The following RFTN1 variants were observed in gnomAD, a reference collection of about 807,000 sequenced individuals.
The protein encoded by RFTN1 is raftlin, lipid raft linker 1.
RFTN1 carries 26 observed loss-of-function variants against 46.5 expected under a neutral mutation model. The observed-to-expected ratio is 0.56, with a 90% CI of 0.41 to 0.78. The LOEUF (loss-of-function observed/expected upper bound fraction) is 0.78. Ranked by LOEUF, RFTN1 falls within the 30% of genes least tolerant of loss-of-function variation. The pLI is 0.00. For synonymous variants in RFTN1, 261 were observed against 284.2 expected (o/e 0.92, Z 0.82); for missense variants, 693 against 718.7 (o/e 0.96, Z 0.41).
intron 6 of RFTN1, among the ~76,000 whole-genome samples, chr3:16,362,928 G>T (rs962757267): frequency 3.3e-5 from 5 of 152,154 alleles, no homozygotes; most frequent in Admixed American, 3.3e-4. Context: ...TGGGAAGGGG[G>T]CTGTGTAGTC....
rs1049985454 is a variant in RFTN1, at chr3:16,382,345, T to G, written c.442-4243A>C. Among the ~76,000 whole-genome samples, 1 of 152,218 alleles carries G rather than the reference T, an allele frequency of 6.6e-6. No homozygotes were observed. The highest frequency in any genetic ancestry group is 2.4e-5 in the African/African-American group (1 of 41,444). Reference sequence around the variant, plus strand: ...TTCTGTCTTACCCTAGTATAGACACTTTCCTCTTTTTCAGAAAGTCATTTG... The same window carrying G: ...TTCTGTCTTACCCTAGTATAGACACGTTCCTCTTTTTCAGAAAGTCATTTG... On this transcript the variant is annotated intron_variant, in intron 4 of 9. Transcript: ENST00000334133. The surrounding 1 kb of genome is among the most constrained non-coding windows in gnomAD (Gnocchi z 4.7).
chr3:16,359,529 C>T (rs2072693586), intron 6 of RFTN1, among the ~76,000 whole-genome samples: 1 of 152,120 alleles, frequency 6.6e-6, no homozygotes, highest in African/African-American at 2.4e-5. Flanking sequence ...CCCTCTCTCT[C>T]CCTTTCCTGG....
At chr3:16,394,956 A>G (rs71310341) in intron 4 of RFTN1, among the ~76,000 whole-genome samples, 25,223 of 152,190 alleles carry the variant, frequency 0.17, 2,368 homozygotes, top group East Asian at 0.3. Context: ...TGTGTTAGAT[A>G]GCCCTGAAAA....
chr3:16,356,022 T>A lies in RFTN1; in HGVS notation c.1146+1910A>T, dbSNP rs994994447. ...CATCGCTACTGTTACAGCCAAATGTTACGGAGCAAACTGAATGCCGGCTGC... is the reference window on the plus strand; with the variant it reads ...CATCGCTACTGTTACAGCCAAATGTAACGGAGCAAACTGAATGCCGGCTGC... On this transcript the variant is annotated intron_variant, in intron 7 of 9. Coordinates refer to ENST00000334133, the MANE Select transcript of RFTN1 (RefSeq NM_015150.2). The surrounding 1 kb of genome is among the most constrained non-coding windows in gnomAD (Gnocchi z 4.9). Among the ~76,000 whole-genome samples, 2 of 152,206 alleles carry A rather than the reference T, an allele frequency of 1.3e-5. No homozygotes were observed. Among genetic ancestry groups the A allele is most frequent in the East Asian group, 3.8e-4 (2 of 5,200 alleles).
intron 2 of RFTN1, among the ~76,000 whole-genome samples, chr3:16,492,971 G>A (rs112415758): frequency 1.3e-5 from 2 of 152,204 alleles, no homozygotes; most frequent in Non-Finnish European, 2.9e-5. Flanking sequence ...ACACTTGTAT[G>A]GTAGGTGACC....
chr3:16,378,848 G>A (rs1203014152), intron 4 of RFTN1, among the ~76,000 whole-genome samples: 1 of 152,152 alleles, frequency 6.6e-6, no homozygotes, highest in African/African-American at 2.4e-5. Flanking sequence ...TGTACCAACG[G>A]GATGGGGGAT....
intron 2 of RFTN1, among the ~76,000 whole-genome samples, chr3:16,445,168 G>A (rs1372294484): frequency 6.6e-6 from 1 of 152,176 alleles, no homozygotes; most frequent in African/African-American, 2.4e-5. Flanking sequence ...TTGCAGCCAA[G>A]CTCTTAGAGA....
At chr3:16,357,850 C>T (rs2072552052) in intron 7 of RFTN1, 82 bp downstream of exon 7, 4 of 859,810 alleles carry the variant, frequency 4.7e-6, no homozygotes, top group Middle Eastern at 2.2e-4. Context: ...AGCTGAGCCA[C>T]AGCCCCACGG....
rs1361840300 is a variant in RFTN1 at position 16,321,842 on chromosome 3, C to T, written c.1332+1534G>A. Among the ~76,000 whole-genome samples, 1 of 152,182 alleles carries T rather than the reference C, an allele frequency of 6.6e-6. No homozygotes were observed. Among genetic ancestry groups the T allele is most frequent in the East Asian group, 1.9e-4 (1 of 5,192 alleles). Reference sequence around the variant, plus strand: ...TTCAACCTTATTACAGCAGCTTTTACAAATCTATCTCTAAAGTCTCCCTGC... The same window carrying T: ...TTCAACCTTATTACAGCAGCTTTTATAAATCTATCTCTAAAGTCTCCCTGC... On this transcript the variant is annotated intron_variant, in intron 9 of 9. Transcript: ENST00000334133. This position sits in a 1 kb window ranked among gnomAD's most constrained non-coding sequence, Gnocchi z 4.8.
chr3:16,377,201 A>C (rs2073808373), intron 5 of RFTN1, among the ~76,000 whole-genome samples: 1 of 152,072 alleles, frequency 6.6e-6, no homozygotes, highest in Non-Finnish European at 1.5e-5. Context: ...AGGAAAGACC[A>C]AGCAGAGAGG....
rs2076250099 is a variant in RFTN1, at chr3:16,474,469, A to G, written c.145+19256T>C. Reference sequence around the variant, plus strand: ...TTGCCCTCCTCCCCCAAGATAAACAAAGGCTGACCATGAGAAAGATACCAG... The same window carrying G: ...TTGCCCTCCTCCCCCAAGATAAACAGAGGCTGACCATGAGAAAGATACCAG... On this transcript the variant is annotated intron_variant, in intron 2 of 9. Transcript: ENST00000334133. This position sits in a 1 kb window ranked among gnomAD's most constrained non-coding sequence, Gnocchi z 5.5. Among the ~76,000 whole-genome samples the G allele has an allele frequency of 6.6e-6, 1 of 152,182 alleles. No individual in the cohort carries two copies. Among genetic ancestry groups the G allele is most frequent in the Admixed American group, 6.5e-5 (1 of 15,286 alleles).
In RFTN1 at chr3:16,369,376, C is replaced by T. The variant is rs969229056; in HGVS notation, c.1030+700G>A. ...TGACTGGCAGTCCTCAGGATACGCA[C>T]GTGCTGGCACGTTGGTCCCACTCCC... On this transcript the variant is annotated intron_variant, in intron 6 of 9. Coordinates refer to ENST00000334133, the MANE Select transcript of RFTN1 (RefSeq NM_015150.2). Among the ~76,000 whole-genome samples the T allele has an allele frequency of 3.7e-4, 56 of 152,390 alleles. 1 individual carries two copies. Among genetic ancestry groups the T allele is most frequent in the African/African-American group, 1.2e-3 (50 of 41,598 alleles).
chr3:16,321,002 G>T lies in RFTN1; in HGVS notation c.1332+2374C>A, dbSNP rs1478398704. 6.6e-6 allele frequency among the ~76,000 whole-genome samples: 1 copy of T among 152,204 alleles called. No individual in the cohort carries two copies. Among genetic ancestry groups the T allele is most frequent in the African/African-American group, 2.4e-5 (1 of 41,440 alleles). ...ATTAGAATAGCTGAGGCGAGTGATGGTAGAGAGAAGTGGAGGGATTCCAGA... is the reference window on the plus strand; with the variant it reads ...ATTAGAATAGCTGAGGCGAGTGATGTTAGAGAGAAGTGGAGGGATTCCAGA... On this transcript the variant is annotated intron_variant, in intron 9 of 9. Coordinates refer to ENST00000334133, the MANE Select transcript of RFTN1 (RefSeq NM_015150.2). The surrounding 1 kb of genome is among the most constrained non-coding windows in gnomAD (Gnocchi z 4.8).
At position 16,332,982 on chromosome 3, in the gene RFTN1, C is replaced by G. The variant is rs114004351; in HGVS notation, c.1147-6106G>C. Among the ~76,000 whole-genome samples, 703 of 152,278 alleles carry G rather than the reference C, an allele frequency of 4.6e-3. 7 individuals carry two copies. Among genetic ancestry groups the G allele is most frequent in the African/African-American group, 0.016 (668 of 41,540 alleles). Reference sequence around the variant, plus strand: ...TTAGGGTCTTGGAAGCATCTGGTCGCAACAGTTTTGCAAACTGATCAATAT... The same window carrying G: ...TTAGGGTCTTGGAAGCATCTGGTCGGAACAGTTTTGCAAACTGATCAATAT... On this transcript the variant is annotated intron_variant, in intron 7 of 9. Coordinates refer to ENST00000334133, the MANE Select transcript of RFTN1 (RefSeq NM_015150.2).
intron 1 of RFTN1, among the ~76,000 whole-genome samples, chr3:16,505,062 T>C (rs1178510027): frequency 6.6e-6 from 1 of 152,192 alleles, no homozygotes; most frequent in Non-Finnish European, 1.5e-5. Context: ...CAATCTGCCA[T>C]CGCAACAGCT....
At position 16,321,936 on chromosome 3, in the gene RFTN1, CAT is replaced by C. The variant is rs2069108024; in HGVS notation, c.1332+1438_1332+1439del. Among the ~76,000 whole-genome samples, 1 of 152,236 alleles carries C rather than the reference CAT, an allele frequency of 6.6e-6. No individual in the cohort carries two copies. Among genetic ancestry groups the C allele is most frequent in the Non-Finnish European group, 1.5e-5 (1 of 68,042 alleles). On this transcript the variant is annotated intron_variant, in intron 9 of 9. Coordinates refer to ENST00000334133, the MANE Select transcript of RFTN1 (RefSeq NM_015150.2). This position sits in a 1 kb window ranked among gnomAD's most constrained non-coding sequence, Gnocchi z 4.8. ...TGACCTTCACACCAACATCCAACCA[CAT>C]GTCTCTCCTTTGGAATCTGTGTGCC...
chr3:16,393,019 C>A (rs191522802), intron 4 of RFTN1, among the ~76,000 whole-genome samples: 1 of 152,114 alleles, frequency 6.6e-6, no homozygotes, highest in African/African-American at 2.4e-5. Flanking sequence ...TATAAACATT[C>A]ACTGAGCACA....
intron 3 of RFTN1, among the ~76,000 whole-genome samples, chr3:16,415,389 G>A (rs2075053242): frequency 7.9e-6 from 1 of 125,966 alleles, no homozygotes; most frequent in Non-Finnish European, 1.8e-5. Flanking sequence ...TCCAAGTTGA[G>A]ATGTCTGGTA....
At position 16,329,312 on chromosome 3, in the gene RFTN1, C is replaced by T. The variant is rs1261472359; in HGVS notation, c.1147-2436G>A. Among the ~76,000 whole-genome samples the T allele has an allele frequency of 6.6e-6, 1 of 151,990 alleles. No individual in the cohort carries two copies. The highest frequency in any genetic ancestry group is 1.9e-4 in the East Asian group (1 of 5,180). ...GATCTCAGGTATCCTGTTACAACAGCACAAGTGGACCGAGACAGGGCGGAA... is the reference window on the plus strand; with the variant it reads ...GATCTCAGGTATCCTGTTACAACAGTACAAGTGGACCGAGACAGGGCGGAA... On this transcript the variant is annotated intron_variant, in intron 7 of 9. Coordinates refer to ENST00000334133, the MANE Select transcript of RFTN1 (RefSeq NM_015150.2). The surrounding 1 kb of genome is among the most constrained non-coding windows in gnomAD (Gnocchi z 4.5).
Sources: allele counts gnomAD v4.1 joint callset (sites outside exome capture counted in the v4.1 genomes callset), GRCh38; gene constraint gnomAD v4.1.1; non-coding constraint Gnocchi (gnomAD v3.1); transcripts MANE v1.5; gene names NCBI Gene and HGNC (gene_info 2026-07-23, HGNC 2026-07-21).